C8orf89: variants seen among roughly 807,000 people sequenced by gnomAD.
The protein encoded by C8orf89 is chromosome 8 open reading frame 89.
A neutral mutation model predicts 15.8 loss-of-function variants in C8orf89; 14 were observed. The ratio of observed to expected loss-of-function variants is 0.89; its 90% confidence interval spans 0.59 to 1.39. The LOEUF (loss-of-function observed/expected upper bound fraction) is 1.39. Among genes scored for constraint, C8orf89 ranks in the 40% most tolerant of loss-of-function variants. The probability of loss-of-function intolerance (pLI) is 0.00; values close to 1 mark genes in which losing one functional copy is unlikely to be tolerated. For synonymous variants in C8orf89, 55 were observed against 62.2 expected, an observed-to-expected ratio of 0.88 and a Z score of 0.54; for missense variants, 181 against 184.5, an observed-to-expected ratio of 0.98 and a Z score of 0.11.
chr8:73,285,722 AGT>A, the C8orf89 span, among the ~76,000 whole-genome samples: 1 of 152,172 alleles, frequency 6.6e-6, no homozygotes, highest in Non-Finnish European at 1.5e-5. Flanking sequence ...CACAGCGGGC[AGT>A]GTGGGAGCCA....
At chr8:73,284,827 C>A in the C8orf89 span, among the ~76,000 whole-genome samples, 5,169 of 152,170 alleles carry the variant, frequency 0.034, 128 homozygotes, top group Non-Finnish European at 0.054. Context: ...CATAACAAGT[C>A]AATAAAGAGG....
the C8orf89 span, among the ~76,000 whole-genome samples, chr8:73,282,866 G>A: frequency 6.6e-6 from 1 of 152,202 alleles, no homozygotes; most frequent in African/African-American, 2.4e-5. Flanking sequence ...TGGGAATTGA[G>A]GTGACTGAGA....
upstream of C8orf89, among the ~76,000 whole-genome samples, chr8:73,262,424 T>C (rs1813545975): frequency 6.6e-6 from 1 of 152,224 alleles, no homozygotes; most frequent in Non-Finnish European, 1.5e-5. Context: ...ACTGGCTTTT[T>C]AGTAAAAGTT....
At position 73,241,507 on chromosome 8, in the gene C8orf89, T is replaced by C. The variant is rs1264367560; in HGVS notation, c.436A>G (p.Thr146Ala). Residue 146 changes from threonine to alanine, a missense_variant, in exon 4 of 4, where the codon ACA (threonine) becomes GCA (alanine). Transcript: ENST00000624510. The part of the protein sequence containing the change: ...ILEYDTIRQE[T>A]TTKSKKSKKR... ...TTGCTTTTTTTTGATTTTGTGGTTG[T>C]TTCCTGACGAATGGTATCATATTCC... The C allele has an allele frequency of 6.5e-7, 1 of 1,533,042 alleles. No individual in the cohort carries two copies. 95.0% of individuals were successfully genotyped at this position (1,533,042 alleles called of 1,614,324 possible).
intron 2 of C8orf89, among the ~76,000 whole-genome samples, chr8:73,255,852 C>T (rs1192929360): frequency 1.3e-5 from 2 of 151,096 alleles, no homozygotes; most frequent in African/African-American, 2.4e-5. Flanking sequence ...AGTAAACTAT[C>T]GCAAGGACAA....
chr8:73,279,973 C>T, the C8orf89 span, among the ~76,000 whole-genome samples: 8 of 152,240 alleles, frequency 5.3e-5, no homozygotes, highest in African/African-American at 1.9e-4. Flanking sequence ...CCAGCTGAGG[C>T]TCCAGACATC....
intron 3 of C8orf89, among the ~76,000 whole-genome samples, chr8:73,242,756 G>A (rs1271667007): frequency 1.3e-5 from 2 of 152,132 alleles, no homozygotes; most frequent in Non-Finnish European, 2.9e-5. Context: ...AGGTTTCTCA[G>A]AAAACCAAAA....
the C8orf89 span, among the ~76,000 whole-genome samples, chr8:73,273,436 C>T: frequency 7.9e-5 from 12 of 152,378 alleles, no homozygotes; most frequent in Admixed American, 1.3e-4. Context: ...CGTGTGCTCG[C>T]TCAGGGAGGC....
chr8:73,277,424 G>T, the C8orf89 span: 1 of 1,188,366 alleles, frequency 8.4e-7, no homozygotes, highest in Non-Finnish European at 1.2e-6. Context: ...ACCAGACAAA[G>T]TAGGTTTACT....
upstream of C8orf89, among the ~76,000 whole-genome samples, chr8:73,261,949 CA>C (rs1386275772): frequency 1.3e-5 from 2 of 152,146 alleles, no homozygotes; most frequent in Non-Finnish European, 2.9e-5. Context: ...ATCCTCTTTC[CA>C]AGCAACAAAG....
At chr8:73,254,107 A>G (rs1813311204) in intron 2 of C8orf89, among the ~76,000 whole-genome samples, 1 of 152,196 alleles carries the variant, frequency 6.6e-6, no homozygotes, top group African/African-American at 2.4e-5. Context: ...GATACGTCCC[A>G]TCAATACCTA....
chr8:73,272,549 C>T, the C8orf89 span, among the ~76,000 whole-genome samples: 2 of 151,994 alleles, frequency 1.3e-5, no homozygotes, highest in East Asian at 1.9e-4. Flanking sequence ...TGGTGTGCTG[C>T]ACCCATTAAC....
At chr8:73,265,596 C>G in the C8orf89 span, among the ~76,000 whole-genome samples, 1 of 152,104 alleles carries the variant, frequency 6.6e-6, no homozygotes, top group African/African-American at 2.4e-5. Flanking sequence ...ATCAAAAGAA[C>G]TTCTCTGTTC....
At chr8:73,281,467 G>A in the C8orf89 span, among the ~76,000 whole-genome samples, 1 of 152,170 alleles carries the variant, frequency 6.6e-6, no homozygotes, top group Non-Finnish European at 1.5e-5. Context: ...TTCATGTCAT[G>A]CATTGTGCTA....
At chr8:73,247,036 C>CT (rs1256053595) in intron 3 of C8orf89, among the ~76,000 whole-genome samples, 1 of 152,088 alleles carries the variant, frequency 6.6e-6, no homozygotes, top group African/African-American at 2.4e-5. Context: ...AAATCTTTAA[C>CT]TTTCTTTTTA....
At chr8:73,274,518 A>G in the C8orf89 span, among the ~76,000 whole-genome samples, 1 of 152,110 alleles carries the variant, frequency 6.6e-6, no homozygotes, top group Non-Finnish European at 1.5e-5. Context: ...GAAATGTAAC[A>G]TTTGTTTCCC....
chr8:73,273,295 C>G, the C8orf89 span, among the ~76,000 whole-genome samples: 1,441 of 152,350 alleles, frequency 9.5e-3, 24 homozygotes, highest in African/African-American at 0.033. Context: ...CTCAGGGCCC[C>G]GGAAACCACT....
At chr8:73,282,361 T>C in the C8orf89 span, among the ~76,000 whole-genome samples, 1 of 152,182 alleles carries the variant, frequency 6.6e-6, no homozygotes, top group Non-Finnish European at 1.5e-5. Flanking sequence ...AGGGAGATAT[T>C]ACTTTCGGGG....
chr8:73,245,300 A>AAAAC (rs1253757872), intron 3 of C8orf89, among the ~76,000 whole-genome samples: 1 of 152,252 alleles, frequency 6.6e-6, no homozygotes, highest in African/African-American at 2.4e-5. Flanking sequence ...TATCAGTCAA[A>AAAAC]AAACAAATCA....
Sources: gnomAD v4.1 joint callset for allele counts (sites outside exome capture counted in the v4.1 genomes callset) on GRCh38, gnomAD v4.1.1 for gene constraint, MANE v1.5 for transcripts, NCBI Gene and HGNC (gene_info 2026-07-23, HGNC 2026-07-21) for gene names.